The following PM20D2 variants were observed in gnomAD, a reference collection of about 807,000 sequenced individuals.
PM20D2 encodes the protein peptidase M20 domain containing 2.
In PM20D2, 33 loss-of-function variants were observed where a neutral mutation model predicts 42.9. That is an observed-to-expected ratio of 0.77 (90% CI 0.58 to 1.03). PM20D2 has a LOEUF of 1.03. Ranked by LOEUF, PM20D2 falls within the 50% of genes least tolerant of loss-of-function variation. PM20D2 has a pLI of 0.00. For missense variants in PM20D2, 548 were observed against 557.0 expected (o/e 0.98, Z 0.16); for synonymous variants, 250 against 228.2 (o/e 1.10, Z -0.86).
chr6:89,102,995 G>A, the PM20D2 span, among the ~76,000 whole-genome samples: 1 of 152,058 alleles, frequency 6.6e-6, no homozygotes, highest in African/African-American at 2.4e-5. Context: ...TCAAATTCCT[G>A]GACTCAAGTG....
chr6:89,098,755 C>T, the PM20D2 span: 5 of 1,613,800 alleles, frequency 3.1e-6, no homozygotes, highest in South Asian at 5.5e-5. Flanking sequence ...CTGAGCTAGT[C>T]TGCTTTTGAG....
chr6:89,120,404 A>G, the PM20D2 span, among the ~76,000 whole-genome samples: 4 of 152,166 alleles, frequency 2.6e-5, no homozygotes, highest in African/African-American at 9.7e-5. Flanking sequence ...TTGGACATGT[A>G]TTTTTGGGGG....
the PM20D2 span, chr6:89,098,640 T>C: frequency 5.6e-6 from 9 of 1,613,966 alleles, no homozygotes; most frequent in Non-Finnish European, 6.8e-6. Context: ...TGAGAATGCT[T>C]TGCTGTTTGT....
At chr6:89,098,418 A>C in the PM20D2 span, 2 of 961,174 alleles carry the variant, frequency 2.1e-6, no homozygotes, top group Admixed American at 3.6e-5. Flanking sequence ...ATGGAGACCA[A>C]ATTTTTATTA....
At chr6:89,132,909 AT>A in the PM20D2 span, among the ~76,000 whole-genome samples, 1 of 150,150 alleles carries the variant, frequency 6.7e-6, no homozygotes, top group East Asian at 1.9e-4. Context: ...TTTTTTAATT[AT>A]TTTTTAGCAT....
At chr6:89,100,189 G>A in the PM20D2 span, among the ~76,000 whole-genome samples, 2 of 152,118 alleles carry the variant, frequency 1.3e-5, no homozygotes, top group African/African-American at 4.8e-5. Flanking sequence ...GAGATTCCAA[G>A]GGACCAGCAA....
the PM20D2 span, chr6:89,105,173 C>T: frequency 5.6e-6 from 9 of 1,612,326 alleles, no homozygotes; most frequent in African/African-American, 1.3e-5. Context: ...ACTTCTACTT[C>T]GAGTTCTTCT....
At chr6:89,151,268 T>C (rs767324791) in intron 2 of PM20D2, among the ~76,000 whole-genome samples, 1 of 150,918 alleles carries the variant, frequency 6.6e-6, no homozygotes, top group East Asian at 1.9e-4. Flanking sequence ...TCTCGTTTTG[T>C]CACCCAGGCT....
chr6:89,115,993 CA>C, the PM20D2 span, among the ~76,000 whole-genome samples: 1 of 152,184 alleles, frequency 6.6e-6, no homozygotes, highest in Non-Finnish European at 1.5e-5. Flanking sequence ...ATTACACATA[CA>C]AAATCCAGAT....
chr6:89,148,616 A>G (rs766194245), intron 1 of PM20D2: 38 of 923,636 alleles, frequency 4.1e-5, no homozygotes, highest in Non-Finnish European at 4.9e-5. Flanking sequence ...CTGTGGCATT[A>G]AGACTTGTTT....
At chr6:89,156,489 A>G (rs1307000137) in intron 4 of PM20D2, among the ~76,000 whole-genome samples, 1 of 152,178 alleles carries the variant, frequency 6.6e-6, no homozygotes, top group East Asian at 1.9e-4. Flanking sequence ...CTTCATTTAT[A>G]TTGCCTTATT....
upstream of PM20D2, among the ~76,000 whole-genome samples, chr6:89,143,430 C>T (rs995999606): frequency 6.6e-6 from 1 of 152,080 alleles, no homozygotes; most frequent in Non-Finnish European, 1.5e-5. Context: ...GAAGAGGAAT[C>T]TTTATATATT....
chr6:89,158,324 G>C lies in PM20D2; in HGVS notation c.913-1G>C. The C allele has an allele frequency of 6.4e-7, 1 of 1,564,818 alleles. No homozygotes were observed. The highest frequency in any genetic ancestry group is 8.6e-7 in the Non-Finnish European group (1 of 1,162,406). ...AAATTTGTTTTGCAATTTTTTATTA[G>C]GTGGAAATTAAAGGTGGAGCACATG... On this transcript the variant is annotated splice_acceptor_variant, in intron 4 of 6. Coordinates refer to ENST00000275072, the MANE Select transcript of PM20D2 (RefSeq NM_001010853.3). LOFTEE classifies it high-confidence loss of function.
chr6:89,162,017 T>C, intron 6 of PM20D2, 92 bp from the exon 7 acceptor site: 1 of 1,512,496 alleles, frequency 6.6e-7, no homozygotes, highest in East Asian at 2.3e-5. Context: ...TGGTGGGCAG[T>C]TGGAGAGCCA....
chr6:89,114,243 CAT>C, the PM20D2 span, among the ~76,000 whole-genome samples: 1 of 152,166 alleles, frequency 6.6e-6, no homozygotes, highest in Non-Finnish European at 1.5e-5. Context: ...GCCTGGCCAA[CAT>C]GATGAAACCC....
chr6:89,162,044 C>T (rs1219184219), intron 6 of PM20D2, 65 bp from the exon 7 acceptor site: 1 of 1,562,426 alleles, frequency 6.4e-7, no homozygotes, highest in East Asian at 2.3e-5. Context: ...ATACGGGTAG[C>T]TAACCTGTGA....
the PM20D2 span, among the ~76,000 whole-genome samples, chr6:89,103,548 C>G: frequency 1.3e-5 from 2 of 152,028 alleles, no homozygotes; most frequent in Non-Finnish European, 2.9e-5. Context: ...AGACTGGTCT[C>G]GAACTCCTGA....
the PM20D2 span, among the ~76,000 whole-genome samples, chr6:89,134,091 T>C: frequency 3.3e-5 from 5 of 151,178 alleles, 1 homozygote; most frequent in African/African-American, 7.4e-5. Context: ...GAGGGTGCTG[T>C]AGAGTTGCAG....
the PM20D2 span, among the ~76,000 whole-genome samples, chr6:89,115,493 G>T: frequency 1.3e-5 from 2 of 151,654 alleles, no homozygotes; most frequent in Non-Finnish European, 2.9e-5. Context: ...GGTAGGCCAG[G>T]TTGGTCTCGA....
Sources: gnomAD v4.1 joint callset for allele counts (sites outside exome capture counted in the v4.1 genomes callset) on GRCh38, gnomAD v4.1.1 for gene constraint, MANE v1.5 for transcripts, NCBI Gene and HGNC (gene_info 2026-07-23, HGNC 2026-07-21) for gene names.